IL1RAPL1: variants seen among roughly 807,000 people sequenced by gnomAD.
IL1RAPL1 encodes interleukin 1 receptor accessory protein like 1, also known as interleukin-1 receptor accessory protein-like 1.
Under a neutral mutation model 48.4 loss-of-function variants are expected in IL1RAPL1, and 3 were observed. That is an observed-to-expected ratio of 0.06 (90% confidence interval 0.03 to 0.16). IL1RAPL1 has a LOEUF of 0.16. Among genes scored for constraint, IL1RAPL1 ranks in the 10% least tolerant of loss-of-function variants. IL1RAPL1 has a pLI of 1.00. For missense variants in IL1RAPL1, 349 were observed against 530.6 expected (o/e 0.66, Z 3.36); for synonymous variants, 185 against 187.7 (o/e 0.99, Z 0.12).
At chrX:29,343,224 C>T (rs143185923) in intron 3 of IL1RAPL1, among the ~76,000 whole-genome samples, 131 of 112,233 alleles carry the variant, frequency 1.2e-3, no homozygotes, top group African/African-American at 4.1e-3. Context: ...GTCAAATTAT[C>T]AATAATGGTT....
At chrX:29,461,075 C>T (rs1463892487) in intron 5 of IL1RAPL1, among the ~76,000 whole-genome samples, 1 of 111,193 alleles carries the variant, frequency 9.0e-6, no homozygotes, top group Non-Finnish European at 1.9e-5. Flanking sequence ...AAATGTATAA[C>T]TCTTGATAAT....
At chrX:29,941,431 TAGCAAC>T (rs1369852627) in intron 8 of IL1RAPL1, among the ~76,000 whole-genome samples, 1 of 111,821 alleles carries the variant, frequency 8.9e-6, no homozygotes. Flanking sequence ...CAATGTTGCT[TAGCAAC>T]ATGGTTGTCA....
intron 2 of IL1RAPL1, among the ~76,000 whole-genome samples, chrX:29,228,519 T>A (rs1008586633): frequency 9.2e-6 from 1 of 108,637 alleles, no homozygotes; most frequent in Admixed American, 9.9e-5. Context: ...CACACCTGGC[T>A]AATTTTTGTA....
At chrX:29,392,908 T>C (rs1216649887) in intron 3 of IL1RAPL1, among the ~76,000 whole-genome samples, 1 of 112,228 alleles carries the variant, frequency 8.9e-6, no homozygotes, top group East Asian at 2.8e-4. Flanking sequence ...TTCTAATTTG[T>C]TAAACAAACA....
chrX:29,360,681 G>T (rs2065170180), intron 3 of IL1RAPL1, among the ~76,000 whole-genome samples: 1 of 111,396 alleles, frequency 9.0e-6, no homozygotes, highest in African/African-American at 3.3e-5. Context: ...GTTGAATCAA[G>T]GATTTTAAAA....
intron 6 of IL1RAPL1, among the ~76,000 whole-genome samples, chrX:29,818,508 A>G (rs944914586): frequency 6.2e-5 from 7 of 112,431 alleles, no homozygotes; most frequent in African/African-American, 1.9e-4. Flanking sequence ...ATGCTGGCCA[A>G]TGAGATTTAG....
chrX:29,313,916 GA>G (rs755122752), intron 3 of IL1RAPL1, among the ~76,000 whole-genome samples: 1 of 112,038 alleles, frequency 8.9e-6, no homozygotes, highest in Admixed American at 9.5e-5. Context: ...TGAGAGTTAG[GA>G]AACAATTCTG....
At chrX:29,727,155 G>C (rs1927793580) in intron 6 of IL1RAPL1, among the ~76,000 whole-genome samples, 1 of 111,162 alleles carries the variant, frequency 9.0e-6, no homozygotes, top group African/African-American at 3.3e-5. Context: ...CTTTCTTCCA[G>C]AAATACAAAA....
chrX:29,285,817 T>C (rs1352511948), intron 3 of IL1RAPL1, among the ~76,000 whole-genome samples: 3 of 111,357 alleles, frequency 2.7e-5, no homozygotes, highest in African/African-American at 9.8e-5. Context: ...TGGAAAGGGG[T>C]ACTCAAAAGT....
chrX:29,172,276 T>G (rs1322500063), intron 2 of IL1RAPL1, among the ~76,000 whole-genome samples: 1 of 112,136 alleles, frequency 8.9e-6, no homozygotes, highest in East Asian at 2.8e-4. Flanking sequence ...TTTCAGTTCA[T>G]TGCTTATGGC....
intron 5 of IL1RAPL1, among the ~76,000 whole-genome samples, chrX:29,579,244 A>G (rs1464376780): frequency 1.8e-5 from 2 of 112,209 alleles, no homozygotes; most frequent in South Asian, 3.7e-4. Context: ...TCAAAGCGTT[A>G]TGGCCATTTT....
intron 2 of IL1RAPL1, among the ~76,000 whole-genome samples, chrX:29,262,831 T>G (rs1249668374): frequency 1.8e-5 from 2 of 111,671 alleles, no homozygotes. Context: ...TGGAGGTATC[T>G]GTTTCAAAAT....
At chrX:28,767,183 A>G (rs1170357534) in intron 1 of IL1RAPL1, among the ~76,000 whole-genome samples, 4 of 111,421 alleles carry the variant, frequency 3.6e-5, no homozygotes, top group African/African-American at 1.3e-4. Flanking sequence ...CCTTTTCTCC[A>G]CATCCTTGCC....
intron 6 of IL1RAPL1, among the ~76,000 whole-genome samples, chrX:29,813,669 G>T (rs1930426994): frequency 1.8e-5 from 2 of 110,984 alleles, no homozygotes; most frequent in Admixed American, 9.6e-5. Flanking sequence ...GAGGTTTGGG[G>T]TATGATTGAA....
chrX:28,600,339 A>G lies in IL1RAPL1; in HGVS notation c.-25+12292A>G, dbSNP rs749558783. Among the ~76,000 whole-genome samples the G allele has an allele frequency of 4.5e-5, 5 of 111,583 alleles. No homozygotes were observed. The South Asian group carries it at 1.9e-3, about 43-fold the overall frequency. ...GTCACATTATAGTTACTCTGTTGTA[A>G]GTTACCAGGCCACAAATATCTAATG... On this transcript the variant is annotated intron_variant, in intron 1 of 10. Transcript: ENST00000378993.
intron 1 of IL1RAPL1, among the ~76,000 whole-genome samples, chrX:28,673,234 A>G (rs903417878): frequency 8.9e-6 from 1 of 112,015 alleles, no homozygotes; most frequent in Admixed American, 9.5e-5. Flanking sequence ...TGACAAAAAC[A>G]AGCAATGGAA....
At chrX:28,777,745 G>T (rs1348842120) in intron 1 of IL1RAPL1, among the ~76,000 whole-genome samples, 1 of 110,640 alleles carries the variant, frequency 9.0e-6, no homozygotes, top group African/African-American at 3.3e-5. Flanking sequence ...TGTGATCTGA[G>T]GGTACCAGCC....
intron 2 of IL1RAPL1, among the ~76,000 whole-genome samples, chrX:28,792,074 T>G (rs1369340815): frequency 8.9e-6 from 1 of 112,076 alleles, no homozygotes; most frequent in Non-Finnish European, 1.9e-5. Flanking sequence ...CCAAGAGGAC[T>G]TCTTATCTTT....
chrX:29,588,751 T>C (rs755631352), intron 5 of IL1RAPL1, among the ~76,000 whole-genome samples: 5 of 112,056 alleles, frequency 4.5e-5, no homozygotes, highest in Non-Finnish European at 9.4e-5. Flanking sequence ...ATCATCTAGG[T>C]GAAGCTCTAG....
Sources: allele counts gnomAD v4.1 joint callset (sites outside exome capture counted in the v4.1 genomes callset), GRCh38; gene constraint gnomAD v4.1.1; transcripts MANE v1.5; gene names NCBI Gene and HGNC (gene_info 2026-07-23, HGNC 2026-07-21).